Variants in AHNAK observed in about 807,000 individuals in gnomAD.
AHNAK encodes AHNAK nucleoprotein.
In AHNAK, 23 loss-of-function variants were observed where a neutral mutation model predicts 37.8. The observed-to-expected ratio is 0.61, with a 90% CI of 0.44 to 0.86. The LOEUF (loss-of-function observed/expected upper bound fraction) is 0.86, where lower values mean the gene tolerates loss of function less well. Ranked by LOEUF, AHNAK falls within the 40% of genes least tolerant of loss-of-function variation. The probability of loss-of-function intolerance (pLI) is 0.00; values close to 1 mark genes in which losing one functional copy is unlikely to be tolerated. For missense variants in AHNAK, 7,411 were observed against 7,319.4 expected, an observed-to-expected ratio of 1.01 and a Z score of -0.46; for synonymous variants, 2,481 against 2,636.3, an observed-to-expected ratio of 0.94 and a Z score of 1.80.
rs140685037 is a variant in AHNAK, at chr11:62,533,440, T to C, written c.977A>G (p.Lys326Arg). 3.1e-6 allele frequency: 5 copies of C among 1,613,628 alleles called. No homozygotes were observed. The African/African-American group carries it at 6.7e-5, about 22-fold the overall frequency. The change falls in exon 5 of 5, where the codon AAG becomes AGG. Residue 326 changes from lysine (K) to arginine (R), a missense_variant. Lys to Arg is a conservative substitution (Grantham distance 26). Coordinates refer to ENST00000378024, the MANE Select transcript of AHNAK (RefSeq NM_001620.3). ...VSTGREGQTP[K>R]AGLRVSAPEV... is the part of the protein sequence containing the mutation. ...AGGTGCAGAAACCCTCAGCCCTGCCTTTGGTGTCTGGCCCTCACGCCCTGT... is the reference window on the plus strand; with the variant it reads ...AGGTGCAGAAACCCTCAGCCCTGCCCTTGGTGTCTGGCCCTCACGCCCTGT...
At chr11:62,475,957 A>G (rs2134858927) in intron 5 of AHNAK, among the ~76,000 whole-genome samples, 3 of 152,268 alleles carry the variant, frequency 2.0e-5, no homozygotes, top group Admixed American at 2.0e-4. Context: ...CTAATGACTT[A>G]TTACTTGCTG....
chr11:62,493,337 T>C (rs868206427), intron 4 of AHNAK, among the ~76,000 whole-genome samples: 5,268 of 136,086 alleles, frequency 0.039, 325 homozygotes, highest in African/African-American at 0.16. Flanking sequence ...TCTTTCTTTT[T>C]TTTTTTTTTT....
intron 5 of AHNAK, among the ~76,000 whole-genome samples, chr11:62,438,947 G>T (rs571364131): frequency 9.9e-5 from 15 of 152,148 alleles, no homozygotes; most frequent in Non-Finnish European, 2.2e-4. Context: ...CCATCCTAAG[G>T]TTGCTGTGTA....
chr11:62,541,301 T>C (rs1050815313), intron 1 of AHNAK, among the ~76,000 whole-genome samples: 1 of 152,128 alleles, frequency 6.6e-6, no homozygotes, highest in Admixed American at 6.5e-5. Flanking sequence ...AATCACCCCA[T>C]CCGTGGTAGG....
chr11:62,531,331 A>G lies in AHNAK; in HGVS notation c.3086T>C (p.Ile1029Thr). The G allele has an allele frequency of 6.2e-7, 1 of 1,613,436 alleles. No homozygotes were observed. The highest frequency in any genetic ancestry group is 8.5e-7 in the Non-Finnish European group (1 of 1,179,876). Residue 1029 changes from isoleucine to threonine, a missense_variant, in exon 5 of 5, where the codon ATT becomes ACT. Ile to Thr is a moderately conservative substitution (Grantham distance 89). Transcript: ENST00000378024. ...DVNLSKANVD[I>T]SAPKVDTNAP... ...ATTAGTATCTACTTTTGGTGCAGAA[A>G]TGTCCACATTCGCTTTGGACAGGTT... is the stretch of plus-strand genomic sequence containing the variant.
chr11:62,435,622 A>C (rs914698558), intron 5 of AHNAK, among the ~76,000 whole-genome samples: 4 of 152,074 alleles, frequency 2.6e-5, no homozygotes, highest in Middle Eastern at 3.2e-3. Context: ...ACCGTGTTAG[A>C]CAGGATGGTC....
At position 62,518,105 on chromosome 11, in the gene AHNAK, C is replaced by A; in HGVS notation, c.16312G>T (p.Val5438Leu). Reference protein sequence around the residue: ...QVSGELKGPGVDVNLKGPRIS... With the variant: ...QVSGELKGPGLDVNLKGPRIS... ...CGAGGCCCTTTCAGGTTCACATCCACACCTGGCCCCTTCAGTTCGCCAGAA... is the reference window on the plus strand; with the variant it reads ...CGAGGCCCTTTCAGGTTCACATCCAAACCTGGCCCCTTCAGTTCGCCAGAA... Residue 5438 changes from valine to leucine, a missense_variant, in exon 5 of 5, where the codon GTG (valine) becomes TTG (leucine). Physicochemically the swap from Val to Leu is conservative, Grantham distance 32 (BLOSUM62 1). Coordinates refer to ENST00000378024, the MANE Select transcript of AHNAK (RefSeq NM_001620.3). The A allele has an allele frequency of 6.2e-7, 1 of 1,614,236 alleles. No homozygotes were observed. Among genetic ancestry groups the A allele is most frequent in the Non-Finnish European group, 8.5e-7 (1 of 1,180,024 alleles).
In AHNAK at chr11:62,523,757, C is replaced by G. The variant is rs1349112289; in HGVS notation, c.10660G>C (p.Gly3554Arg). ...SMPDIDLNLKGPKVKGDVDIS... is the reference protein window; with the variant it reads ...SMPDIDLNLKRPKVKGDVDIS... ...TCCACATCACCTTTCACCTTGGGGC[C>G]TTTCAAGTTTAAGTCAATGTCAGGC... Residue 3554 changes from glycine (G) to arginine (R), a missense_variant, in exon 5 of 5, where the codon GGC (glycine) becomes CGC (arginine). By Grantham distance (125) the Gly-to-Arg change is moderately radical. Transcript: ENST00000378024. 1 of 1,613,942 alleles carries G rather than the reference C, an allele frequency of 6.2e-7. No homozygotes were observed. The highest frequency in any genetic ancestry group is 2.2e-5 in the East Asian group (1 of 44,852).
At chr11:62,458,364 G>A (rs560077739) in intron 5 of AHNAK, among the ~76,000 whole-genome samples, 7 of 151,960 alleles carry the variant, frequency 4.6e-5, no homozygotes, top group Non-Finnish European at 8.8e-5. Context: ...CCTTAGGGAC[G>A]GTCCCACTTG....
rs142410786 is a variant in AHNAK, at chr11:62,464,347, C to T, written c.442+27385G>A. On this transcript the variant is annotated intron_variant, in intron 5 of 5. Coordinates refer to the AHNAK transcript ENST00000257247. ...TGCTGGGGTTACAGGCAGGAGCCAC[C>T]GCACCCAGCCTGAACTTGCTATTTT... Among the ~76,000 whole-genome samples the T allele has an allele frequency of 1.1e-4, 16 of 151,978 alleles. No individual in the cohort carries two copies. In the East Asian group the frequency reaches 1.8e-3, roughly 17 times the overall value.
chr11:62,455,290 G>C (rs2134812923), intron 5 of AHNAK, among the ~76,000 whole-genome samples: 1 of 152,140 alleles, frequency 6.6e-6, no homozygotes. Flanking sequence ...ATGGCTTCAG[G>C]ACACTTAAAG....
intron 5 of AHNAK, among the ~76,000 whole-genome samples, chr11:62,478,781 A>T (rs1939202280): frequency 1.3e-5 from 2 of 151,496 alleles, no homozygotes; most frequent in South Asian, 4.2e-4. Flanking sequence ...AGAGAGAGAA[A>T]AGAAAAGAGC....
rs1940407725 is a variant in AHNAK, at chr11:62,524,745, CA to C, written c.9671del (p.Leu3224TrpfsTer10). 1.2e-6 allele frequency: 2 copies of C among 1,613,984 alleles called. No homozygotes were observed. Among genetic ancestry groups the C allele is most frequent in the Non-Finnish European group, 1.7e-6 (2 of 1,180,026 alleles). The part of the protein sequence containing the change: ...IKAPKISMPD[L>X]DLNLKGPKMK... ...TTTTAGGGCCTTTAAGATTGAGGTC[CA>C]AATCAGGCATTGATATTTTAGGAGC... On this transcript the variant is annotated frameshift_variant, in exon 5 of 5. Transcript: ENST00000378024. LOFTEE classifies it low-confidence loss of function (END_TRUNC).
chr11:62,501,883 C>G (rs1939719133), intron 4 of AHNAK, among the ~76,000 whole-genome samples: 1 of 152,188 alleles, frequency 6.6e-6, no homozygotes, highest in Admixed American at 6.5e-5. Flanking sequence ...GAAACACAAC[C>G]CTCCACATCC....
intron 5 of AHNAK, among the ~76,000 whole-genome samples, chr11:62,451,938 T>A (rs1938547461): frequency 6.6e-6 from 1 of 150,596 alleles, no homozygotes; most frequent in Non-Finnish European, 1.5e-5. Flanking sequence ...CTCCCGAGTA[T>A]CTGGGATTAC....
chr11:62,446,583 G>C (rs1938426443), intron 5 of AHNAK, among the ~76,000 whole-genome samples: 1 of 152,136 alleles, frequency 6.6e-6, no homozygotes, highest in South Asian at 2.1e-4. Context: ...GAAGGTCATG[G>C]ATTCAATCTC....
rs755311924 is a variant in AHNAK, at chr11:62,451,330, G to A, written c.443-17439C>T. ...GGACCCTCCTCATTCTCAGACACTC[G>A]CCCTATGTCCACTCTAGGCCCTTCC... On this transcript the variant is annotated intron_variant, in intron 5 of 5. Transcript: ENST00000257247. 8.0e-5 allele frequency among the ~76,000 whole-genome samples: 12 copies of A among 150,840 alleles called. 1 individual carries two copies. In the East Asian group the frequency reaches 1.5e-3, roughly 19 times the overall value.
chr11:62,472,734 A>G (rs180869041), intron 5 of AHNAK, among the ~76,000 whole-genome samples: 2 of 152,250 alleles, frequency 1.3e-5, no homozygotes, highest in East Asian at 3.9e-4. Context: ...AGCCAGACAC[A>G]AAAAGACAAA....
At chr11:62,501,838 C>A (rs1339694019) in intron 4 of AHNAK, among the ~76,000 whole-genome samples, 1 of 152,198 alleles carries the variant, frequency 6.6e-6, no homozygotes, top group Non-Finnish European at 1.5e-5. Context: ...CAGTTCGCTG[C>A]AAAGACAAAG....
Sources: allele counts gnomAD v4.1 joint callset (sites outside exome capture counted in the v4.1 genomes callset), GRCh38; gene constraint gnomAD v4.1.1; transcripts MANE v1.5; gene names NCBI Gene and HGNC (gene_info 2026-07-23, HGNC 2026-07-21).